Variants in ACYP2 observed in about 807,000 individuals in gnomAD.
The protein encoded by ACYP2 is acylphosphatase 2.
Under a neutral mutation model 11.2 loss-of-function variants are expected in ACYP2, and 12 were observed. That is an observed-to-expected ratio of 1.08 (90% CI 0.69 to 1.74). The LOEUF is 1.74. Ranked by LOEUF, ACYP2 falls within the 40% of genes most tolerant of loss-of-function variation. The pLI is 0.00. For synonymous variants in ACYP2, 43 were observed against 32.2 expected, an observed-to-expected ratio of 1.33 and a Z score of -1.13; for missense variants, 134 against 101.9, an observed-to-expected ratio of 1.31 and a Z score of -1.35.
chr2:54,208,186 T>G (rs1417769279), intron 6 of ACYP2, among the ~76,000 whole-genome samples: 4 of 151,864 alleles, frequency 2.6e-5, no homozygotes, highest in African/African-American at 9.7e-5. Flanking sequence ...TGTAATTCAG[T>G]TCACACTAAA....
chr2:53,996,026 T>C (rs1185953747), intron 2 of ACYP2, among the ~76,000 whole-genome samples: 1 of 151,618 alleles, frequency 6.6e-6, no homozygotes, highest in Non-Finnish European at 1.5e-5. Context: ...CCCAGCTACA[T>C]GGGAGGCTGA....
At chr2:54,071,130 A>G (rs1677019898) in intron 4 of ACYP2, among the ~76,000 whole-genome samples, 1 of 152,172 alleles carries the variant, frequency 6.6e-6, no homozygotes, top group Non-Finnish European at 1.5e-5. Flanking sequence ...ATAGAAGGGA[A>G]TTTTCTCAAC....
intron 6 of ACYP2, among the ~76,000 whole-genome samples, chr2:54,163,248 A>G (rs1682805370): frequency 6.6e-6 from 1 of 152,128 alleles, no homozygotes; most frequent in Admixed American, 6.5e-5. Flanking sequence ...ATTTATGTGT[A>G]TATGCTTTTG....
chr2:54,180,902 G>C (rs189224350), intron 6 of ACYP2, among the ~76,000 whole-genome samples: 3 of 152,190 alleles, frequency 2.0e-5, no homozygotes, highest in Non-Finnish European at 4.4e-5. Flanking sequence ...ATTCATGAAG[G>C]CTCAGCCCTC....
At chr2:53,990,883 G>A (rs919088977) in intron 2 of ACYP2, among the ~76,000 whole-genome samples, 1 of 151,544 alleles carries the variant, frequency 6.6e-6, no homozygotes, top group Non-Finnish European at 1.5e-5. Context: ...TGCCAGCTCC[G>A]CTTCCTGGGT....
intron 6 of ACYP2, among the ~76,000 whole-genome samples, chr2:54,203,034 T>C (rs956920983): frequency 6.6e-6 from 1 of 152,176 alleles, no homozygotes; most frequent in Admixed American, 6.5e-5. Flanking sequence ...AGGTATTTTA[T>C]TGACACTATA....
chr2:54,107,124 G>A (rs1424221401), intron 4 of ACYP2, among the ~76,000 whole-genome samples: 1 of 152,088 alleles, frequency 6.6e-6, no homozygotes, highest in Non-Finnish European at 1.5e-5. Flanking sequence ...CCTTGCCTTG[G>A]GTAGATGGTA....
At chr2:54,086,409 G>A (rs1341250548) in intron 4 of ACYP2, among the ~76,000 whole-genome samples, 1 of 152,184 alleles carries the variant, frequency 6.6e-6, no homozygotes, top group Non-Finnish European at 1.5e-5. Context: ...ACTTCAGATG[G>A]GAGAGGGAGA....
intron 2 of ACYP2, among the ~76,000 whole-genome samples, chr2:54,045,052 T>C (rs1675440903): frequency 6.6e-6 from 1 of 152,198 alleles, no homozygotes; most frequent in Admixed American, 6.5e-5. Context: ...AGATAACAAC[T>C]TGAACATTAT....
At chr2:54,203,872 A>T (rs77328180) in intron 6 of ACYP2, among the ~76,000 whole-genome samples, 2 of 152,014 alleles carry the variant, frequency 1.3e-5, no homozygotes, top group African/African-American at 2.4e-5. Flanking sequence ...ATTTCTTCCA[A>T]TCACCTTATA....
chr2:54,043,072 G>GGGT (rs1553359986), intron 2 of ACYP2, among the ~76,000 whole-genome samples: 242 of 148,986 alleles, frequency 1.6e-3, no homozygotes, highest in African/African-American at 5.7e-3. Context: ...GTGTGTGTGG[G>GGGT]GTGTGTGTGT....
At chr2:54,246,994 C>G (rs1026089498) in intron 6 of ACYP2, among the ~76,000 whole-genome samples, 6 of 152,144 alleles carry the variant, frequency 3.9e-5, no homozygotes, top group African/African-American at 1.4e-4. Context: ...GTCTACCTTC[C>G]TCCCATCATG....
intron 4 of ACYP2, among the ~76,000 whole-genome samples, chr2:54,105,727 C>G (rs961694630): frequency 6.6e-6 from 1 of 151,966 alleles, no homozygotes; most frequent in Non-Finnish European, 1.5e-5. Context: ...CTCCTGGGCT[C>G]AAGCGATCCT....
chr2:54,237,079 T>G (rs1686515614), intron 6 of ACYP2, among the ~76,000 whole-genome samples: 1 of 152,198 alleles, frequency 6.6e-6, no homozygotes, highest in South Asian at 2.1e-4. Context: ...TATATTGTAT[T>G]AGGTATTATA....
chr2:54,267,477 TC>T, intron 6 of ACYP2: 1 of 888,378 alleles, frequency 1.1e-6, no homozygotes, highest in Non-Finnish European at 1.6e-6. Context: ...TCCTAAAGCC[TC>T]CCTAGATGAA....
intron 3 of ACYP2, among the ~76,000 whole-genome samples, chr2:54,054,629 T>C (rs1017793198): frequency 6.6e-6 from 1 of 152,222 alleles, no homozygotes; most frequent in Admixed American, 6.5e-5. Context: ...CCAGTGCTCC[T>C]TAAAGATTTC....
intron 2 of ACYP2, among the ~76,000 whole-genome samples, chr2:54,024,961 C>T (rs893469900): frequency 9.2e-5 from 14 of 152,118 alleles, no homozygotes; most frequent in Admixed American, 3.9e-4. Flanking sequence ...AGCTGAGAAT[C>T]AAATCAATAA....
rs188277565 is a variant in ACYP2 at position 54,241,578 on chromosome 2, T to C, written c.405-63110T>C. Among the ~76,000 whole-genome samples the C allele has an allele frequency of 5.9e-4, 90 of 152,184 alleles. 1 individual carries two copies. Among genetic ancestry groups the C allele is most frequent in the African/African-American group, 1.2e-3 (49 of 41,542 alleles). On this transcript the variant is annotated intron_variant, in intron 6 of 6. Transcript: ENST00000607452. ...AGTTTTTTTTTTCTCCTCCATGAGG[T>C]AGAGATTCGTCTATGCCAGGAGAAG...
At chr2:54,290,227 G>C (rs866680318) in intron 6 of ACYP2, among the ~76,000 whole-genome samples, 9 of 152,076 alleles carry the variant, frequency 5.9e-5, no homozygotes, top group Admixed American at 1.3e-4. Flanking sequence ...GCGAGGCCGT[G>C]GCTGCCTGGC....
Sources: gnomAD v4.1 joint callset for allele counts (sites outside exome capture counted in the v4.1 genomes callset) on GRCh38, gnomAD v4.1.1 for gene constraint, MANE v1.5 for transcripts, NCBI Gene and HGNC (gene_info 2026-07-23, HGNC 2026-07-21) for gene names.